SIL1: variants seen among roughly 807,000 people sequenced by gnomAD.
SIL1 encodes nucleotide exchange factor SIL1.
Under a neutral mutation model 49.1 loss-of-function variants are expected in SIL1, and 40 were observed. The ratio of observed to expected loss-of-function variants is 0.81; its 90% CI spans 0.63 to 1.06. The LOEUF (loss-of-function observed/expected upper bound fraction) is 1.06. Among genes scored for constraint, SIL1 ranks in the 50% least tolerant of loss-of-function variants. The pLI is 0.00. For synonymous variants in SIL1, 253 were observed against 250.8 expected (o/e 1.01, Z -0.08); for missense variants, 500 against 572.6 (o/e 0.87, Z 1.29).
chr5:138,975,935 C>T (rs964967955), intron 7 of SIL1, among the ~76,000 whole-genome samples: 4 of 152,230 alleles, frequency 2.6e-5, no homozygotes, highest in Admixed American at 6.5e-5. Context: ...TGTTTTAACC[C>T]ACTACATCTG....
At chr5:138,982,937 C>A (rs1341494757) in intron 7 of SIL1, among the ~76,000 whole-genome samples, 3 of 152,172 alleles carry the variant, frequency 2.0e-5, no homozygotes, top group Admixed American at 2.0e-4. Flanking sequence ...TGGCTCATGC[C>A]TGTAATCCCA....
chr5:139,192,617 A>G (rs927796693), intron 1 of SIL1, among the ~76,000 whole-genome samples: 1 of 152,234 alleles, frequency 6.6e-6, no homozygotes, highest in African/African-American at 2.4e-5. Context: ...CCAGCTGTGA[A>G]GATGGAAGGT....
chr5:139,138,418 G>C (rs987615607), intron 1 of SIL1, among the ~76,000 whole-genome samples: 1 of 152,188 alleles, frequency 6.6e-6, no homozygotes, highest in African/African-American at 2.4e-5. Context: ...ATACAGACAA[G>C]GGGACCTACT....
chr5:139,179,923 G>A (rs1751951682), intron 1 of SIL1, among the ~76,000 whole-genome samples: 1 of 152,000 alleles, frequency 6.6e-6, no homozygotes, highest in South Asian at 2.1e-4. Context: ...CAGGTGTGGT[G>A]GCACATGACT....
At chr5:139,108,182 A>T (rs1033867430) in intron 3 of SIL1, 6 of 152,008 alleles carry the variant, frequency 3.9e-5, no homozygotes, top group Admixed American at 3.9e-4. Context: ...GAACCAGAAG[A>T]TTTTTTTTCT....
At chr5:138,985,813 A>T (rs1015100810) in intron 7 of SIL1, among the ~76,000 whole-genome samples, 1 of 152,056 alleles carries the variant, frequency 6.6e-6, no homozygotes, top group Non-Finnish European at 1.5e-5. Context: ...CCATGGCTAG[A>T]GATAAGTGGT....
chr5:139,184,854 A>G (rs1237811923), intron 1 of SIL1, among the ~76,000 whole-genome samples: 1 of 152,178 alleles, frequency 6.6e-6, no homozygotes, highest in East Asian at 1.9e-4. Flanking sequence ...GTCACATCTG[A>G]GAGGCAGTCT....
intron 1 of SIL1, chr5:139,131,536 C>G (rs1750862525): frequency 6.6e-6 from 1 of 152,220 alleles, no homozygotes; most frequent in African/African-American, 2.4e-5. Flanking sequence ...AAAGCAAAGG[C>G]TCGGGTACTA....
chr5:138,990,496 C>A (rs1028613233), intron 7 of SIL1, among the ~76,000 whole-genome samples: 5 of 152,146 alleles, frequency 3.3e-5, no homozygotes, highest in Non-Finnish European at 4.4e-5. Context: ...ATTCTGCTGC[C>A]CAGGCTGGAG....
chr5:139,108,380 AG>A (rs1313135594), intron 3 of SIL1, among the ~76,000 whole-genome samples: 2 of 152,196 alleles, frequency 1.3e-5, no homozygotes, highest in African/African-American at 2.4e-5. Context: ...AAGGGGAAAA[AG>A]CTCCTGGGAT....
Position 139,195,389 on chromosome 5 carries a change from T to TTTGTA in SIL1, c.-11+2879_-11+2880insTACAA, listed in dbSNP as rs1198766107. On this transcript the variant is annotated intron_variant, in intron 1 of 9. Transcript: ENST00000394817. ...AAATATTATTCCCAGTTTTTTTTGT[T>TTTGTA]TTGTTTTGTTTTGTTTTGAGACGGA... 3.9e-5 allele frequency among the ~76,000 whole-genome samples: 6 copies of TTTGTA among 152,020 alleles called. No individual in the cohort carries two copies. In the East Asian group the frequency reaches 1.2e-3, roughly 29 times the overall value.
intron 7 of SIL1, among the ~76,000 whole-genome samples, chr5:138,971,373 T>C (rs1767266039): frequency 6.6e-6 from 1 of 152,128 alleles, no homozygotes; most frequent in Admixed American, 6.5e-5. Context: ...CTGCTGCTTG[T>C]ACTTCTAAAA....
At chr5:139,051,096 G>C in intron 3 of SIL1, 50 bp from the exon 4 acceptor site, 1 of 1,574,570 alleles carries the variant, frequency 6.4e-7, no homozygotes, top group Non-Finnish European at 8.7e-7. Flanking sequence ...TCTTTGGAAG[G>C]CTGTCGGGAT....
intron 5 of SIL1, chr5:139,035,309 A>T: frequency 1.9e-6 from 1 of 526,586 alleles, no homozygotes; most frequent in Non-Finnish European, 3.8e-6. Flanking sequence ...TCTGTCAAGT[A>T]ATGTTGACAA....
intron 3 of SIL1, among the ~76,000 whole-genome samples, chr5:139,092,914 G>C (rs1770373247): frequency 6.6e-6 from 1 of 152,200 alleles, no homozygotes. Flanking sequence ...AGGTGATTAG[G>C]TCATGAGGGC....
intron 5 of SIL1, among the ~76,000 whole-genome samples, chr5:139,033,796 T>C (rs1768844482): frequency 6.6e-6 from 1 of 152,190 alleles, no homozygotes; most frequent in South Asian, 2.1e-4. Flanking sequence ...TATTCTGCTG[T>C]TGTAGAATGG....
At chr5:139,191,014 C>T (rs1426446640) in intron 1 of SIL1, among the ~76,000 whole-genome samples, 2 of 151,850 alleles carry the variant, frequency 1.3e-5, no homozygotes, top group African/African-American at 2.4e-5. Flanking sequence ...AGCAGATTAC[C>T]TGATGTCAGG....
intron 3 of SIL1, among the ~76,000 whole-genome samples, chr5:139,115,913 T>C (rs781336247): frequency 5.9e-5 from 9 of 152,234 alleles, no homozygotes; most frequent in Non-Finnish European, 8.8e-5. Flanking sequence ...AGCAGTCTTA[T>C]GGACTTAGCC....
chr5:139,035,720 C>T (rs1236137848), intron 5 of SIL1: 1 of 202,120 alleles, frequency 4.9e-6, no homozygotes, highest in African/African-American at 2.7e-5. Flanking sequence ...GTGATCTTGG[C>T]TCACTGCAAG....
Sources: allele counts gnomAD v4.1 joint callset (sites outside exome capture counted in the v4.1 genomes callset), GRCh38; gene constraint gnomAD v4.1.1; transcripts MANE v1.5; gene names NCBI Gene and HGNC (gene_info 2026-07-23, HGNC 2026-07-21).